RPS19: variants seen among roughly 807,000 people sequenced by gnomAD.
The protein encoded by RPS19 is ribosomal protein S19.
RPS19 carries 1 observed loss-of-function variant against 20.3 expected under a neutral mutation model. That is an observed-to-expected ratio of 0.05 (90% CI 0.02 to 0.23). The LOEUF (loss-of-function observed/expected upper bound fraction) is 0.23. RPS19 is among the 10% of genes least tolerant of loss of function. The pLI, the probability that RPS19 is intolerant of heterozygous loss-of-function variation, is 1.00. For missense variants in RPS19, 111 were observed against 192.7 expected, an observed-to-expected ratio of 0.58 and a Z score of 2.51; for synonymous variants, 87 against 74.8, an observed-to-expected ratio of 1.16 and a Z score of -0.84.
chr19:41,869,834 C>T, intron 5 of RPS19, 81 bp downstream of exon 5: 2 of 1,453,000 alleles, frequency 1.4e-6, no homozygotes, highest in South Asian at 2.3e-5. Context: ...GTCAGGTAGA[C>T]TTATTTCCTT....
rs1042091921 is a variant in RPS19, at chr19:41,860,710, G to T, written c.1-65G>T. Reference sequence around the variant, plus strand: ...GCGCTGGAGCGAAAGGATTGGGGTGGGGTCCGTGCTCTTGGCAGTCGTCTC... The same window carrying T: ...GCGCTGGAGCGAAAGGATTGGGGTGTGGTCCGTGCTCTTGGCAGTCGTCTC... On this transcript the variant is annotated intron_variant, in intron 1 of 5. Transcript: ENST00000598742. The T allele has an allele frequency of 1.7e-5, 20 of 1,158,028 alleles. No individual in the cohort carries two copies. In the East Asian group the frequency reaches 4.4e-4, roughly 26 times the overall value. The allele number at this position is 1,158,028 out of a possible 1,614,324, so 71.7% of individuals were successfully genotyped here. A position where few individuals can be genotyped will look rare whatever the true frequency, so the allele number is the denominator to read the frequency against.
Position 41,871,329 on chromosome 19 carries a change from ATTC to A in RPS19, c.412-18_412-16del, listed in dbSNP as rs1419419972. 4 of 1,613,442 alleles carry A rather than the reference ATTC, an allele frequency of 2.5e-6. No homozygotes were observed. The African/African-American group carries it at 5.3e-5, about 22-fold the overall frequency. On this transcript the variant is annotated intron_variant, in intron 5 of 5. Transcript: ENST00000598742. The stretch of plus-strand genomic sequence containing the variant: ...GCAGAGACCCCCTTGACTAACTTTT[ATTC>A]TTCCATCTTTTCCCACAGGTGGCAG...
Position 41,869,133 on chromosome 19 carries a change from T to A in RPS19, c.275T>A (p.Phe92Tyr), listed in dbSNP as rs1555841343. 1 of 1,613,912 alleles carries A rather than the reference T, an allele frequency of 6.2e-7. No homozygotes were observed. Among genetic ancestry groups the A allele is most frequent in the Non-Finnish European group, 8.5e-7 (1 of 1,179,904 alleles). The change falls in exon 4 of 6, where the codon TTC (phenylalanine) becomes TAC (tyrosine). Residue 92 changes from phenylalanine (F) to tyrosine (Y), a missense_variant. Transcript: ENST00000598742. ...AGAAACGGCGTCATGCCCAGCCACT[T>A]CAGCCGAGGCTCCAAGAGTGTGGCC... ...RQRNGVMPSH[F>Y]SRGSKSVARR...
Position 41,869,176 on chromosome 19 carries a change from C to T in RPS19, c.318C>T (p.Ala106=). The change falls in exon 4 of 6, where the codon GCC becomes GCT. Residue 106 remains alanine, a synonymous_variant. Coordinates refer to ENST00000598742, the MANE Select transcript of RPS19 (RefSeq NM_001022.4). ...SKSVARRVLQ[A]LEGLKMVEKD... is the part of the protein sequence containing the mutation. ...GTGTGGCCCGCCGGGTCCTCCAAGC[C>T]CTGGAGGGGCTGAAAATGGTGGAAA... 2 of 1,613,868 alleles carry T rather than the reference C, an allele frequency of 1.2e-6. No individual in the cohort carries two copies. Among genetic ancestry groups the T allele is most frequent in the Non-Finnish European group, 1.7e-6 (2 of 1,179,972 alleles).
chr19:41,860,605 A>G (rs2123254998), intron 1 of RPS19, 170 bp from the exon 2 acceptor site: 1 of 727,470 alleles, frequency 1.4e-6, no homozygotes. Context: ...GGCGTCGGTG[A>G]GCTCCTTCAG....
At position 41,869,131 on chromosome 19, in the gene RPS19, C is replaced by T. The variant is rs539073865; in HGVS notation, c.273C>T (p.His91=). ...AGAGAAACGGCGTCATGCCCAGCCA[C>T]TTCAGCCGAGGCTCCAAGAGTGTGG... The part of the protein sequence containing the change: ...GRQRNGVMPS[H]FSRGSKSVAR... The change falls in exon 4 of 6, where the codon CAC becomes CAT. Residue 91 remains histidine (H), a synonymous_variant. Transcript: ENST00000598742. 2.5e-6 allele frequency: 4 copies of T among 1,613,974 alleles called. No individual in the cohort carries two copies. The highest frequency in any genetic ancestry group is 2.2e-5 in the East Asian group (1 of 44,872).
rs1013119171 is a variant in RPS19 at position 41,861,300 on chromosome 19, C to G, written c.172+88C>G. ...CTTCCCTGTCTCCTCTGAGCTCTTTCCCGCCCCAAGAGGGAGAGAAACCCT... is the reference window on the plus strand; with the variant it reads ...CTTCCCTGTCTCCTCTGAGCTCTTTGCCGCCCCAAGAGGGAGAGAAACCCT... On this transcript the variant is annotated intron_variant, in intron 3 of 5. Coordinates refer to ENST00000598742, the MANE Select transcript of RPS19 (RefSeq NM_001022.4). 5.5e-5 allele frequency: 53 copies of G among 962,544 alleles called. 1 individual carries two copies. Among genetic ancestry groups the G allele is most frequent in the Non-Finnish European group, 8.3e-5 (50 of 602,444 alleles). 59.6% of individuals were successfully genotyped at this position (962,544 alleles called of 1,614,324 possible).
intron 4 of RPS19, 80 bp downstream of exon 4, chr19:41,869,294 AGTCT>A: frequency 7.5e-7 from 1 of 1,326,814 alleles, no homozygotes; most frequent in African/African-American, 1.5e-5. Context: ...GGTCCTGCAT[AGTCT>A]GCCCAGCCCC....
intron 5 of RPS19, 22 bp downstream of exon 5, chr19:41,869,775 G>A (rs782316260): frequency 6.2e-7 from 1 of 1,613,082 alleles, no homozygotes; most frequent in African/African-American, 1.3e-5. Flanking sequence ...GTTTGGGGTG[G>A]GGCTGGGTCC....
rs2074021674 is a variant in RPS19, at chr19:41,860,840, C to G, written c.66C>G (p.Leu22=). The part of the protein sequence containing the change: ...QEFVRALAAF[L]KKSGKLKVPE... ...TCGTCAGAGCTCTGGCAGCCTTCCT[C>G]AAAAAGTGAGTTTGGGGACTGAGGT... Residue 22 remains leucine, a synonymous_variant, in exon 2 of 6, where the codon CTC becomes CTG. Coordinates refer to ENST00000598742, the MANE Select transcript of RPS19 (RefSeq NM_001022.4). 1 of 1,613,420 alleles carries G rather than the reference C, an allele frequency of 6.2e-7. No individual in the cohort carries two copies. Among genetic ancestry groups the G allele is most frequent in the African/African-American group, 1.3e-5 (1 of 75,044 alleles).
chr19:41,866,569 G>A (rs1283950968), intron 3 of RPS19, among the ~76,000 whole-genome samples: 1 of 152,214 alleles, frequency 6.6e-6, no homozygotes, highest in Non-Finnish European at 1.5e-5. Context: ...GGATTTTAAA[G>A]TGAGCAGATG....
intron 5 of RPS19, 78 bp downstream of exon 5, chr19:41,869,831 A>G: frequency 6.8e-7 from 1 of 1,478,822 alleles, no homozygotes; most frequent in Non-Finnish European, 9.5e-7. Flanking sequence ...TTTGTCAGGT[A>G]GACTTATTTC....
At chr19:41,869,851 A>G in intron 5 of RPS19, 98 bp downstream of exon 5, 2 of 1,303,974 alleles carry the variant, frequency 1.5e-6, no homozygotes, top group Non-Finnish European at 1.1e-6. Context: ...CCTTCTCTGG[A>G]GGGCACAGCC....
intron 3 of RPS19, 29 bp downstream of exon 3, chr19:41,861,241 G>C: frequency 6.5e-7 from 1 of 1,546,908 alleles, no homozygotes; most frequent in East Asian, 2.2e-5. Context: ...TGGCTGGAGA[G>C]TGGGGAGCTG....
At chr19:41,871,301 C>G in intron 5 of RPS19, 50 bp from the exon 6 acceptor site, 1 of 1,592,374 alleles carries the variant, frequency 6.3e-7, no homozygotes. Context: ...ACAAAGTGCC[C>G]CAGCAGAGAC....
intron 3 of RPS19, among the ~76,000 whole-genome samples, chr19:41,865,593 T>C (rs193091307): frequency 1.3e-5 from 2 of 152,238 alleles, no homozygotes; most frequent in East Asian, 3.9e-4. Context: ...GTGTCCCATT[T>C]CTGGTGTACA....
At chr19:41,866,059 C>T (rs2074085278) in intron 3 of RPS19, among the ~76,000 whole-genome samples, 2 of 151,756 alleles carry the variant, frequency 1.3e-5, no homozygotes, top group African/African-American at 4.8e-5. Flanking sequence ...TGAGACCAGC[C>T]TGGCCAGCAT....
chr19:41,863,884 C>G (rs1314751492), intron 3 of RPS19: 4 of 146,582 alleles, frequency 2.7e-5, no homozygotes, highest in Non-Finnish European at 1.5e-5. Flanking sequence ...TGCACTGTCA[C>G]CAGGCTGGAG....
In RPS19 at chr19:41,871,237, A is replaced by G. The variant is rs112623331; in HGVS notation, c.412-114A>G. ...AGTGAGAATTAGATGAGATAGATGC[A>G]TTTGAAACCACAAATCGGGGTGCCC... On this transcript the variant is annotated intron_variant, in intron 5 of 5. Transcript: ENST00000598742. 50 of 876,958 alleles carry G rather than the reference A, an allele frequency of 5.7e-5. 2 individuals are homozygous for G. The highest frequency in any genetic ancestry group is 3.6e-4 in the African/African-American group (22 of 60,878). 54.3% of individuals were successfully genotyped at this position (876,958 alleles called of 1,614,324 possible). A position where few individuals can be genotyped will look rare whatever the true frequency, so the allele number is the denominator to read the frequency against.
Sources: gnomAD v4.1 joint callset for allele counts (sites outside exome capture counted in the v4.1 genomes callset) on GRCh38, gnomAD v4.1.1 for gene constraint, MANE v1.5 for transcripts, NCBI Gene and HGNC (gene_info 2026-07-23, HGNC 2026-07-21) for gene names.